Variants in RARB observed in about 807,000 individuals in gnomAD.
The protein encoded by RARB is HBV-activated protein.
Under a neutral mutation model 51.9 loss-of-function variants are expected in RARB, and 17 were observed. That is an observed-to-expected ratio of 0.33 (90% CI 0.22 to 0.49). The LOEUF is 0.49. Among genes scored for constraint, RARB ranks in the 20% least tolerant of loss-of-function variants. RARB has a pLI of 0.99. For missense variants in RARB, 369 were observed against 550.8 expected, an observed-to-expected ratio of 0.67 and a Z score of 3.30; for synonymous variants, 215 against 195.4, an observed-to-expected ratio of 1.10 and a Z score of -0.84.
chr3:25,377,186 C>T (rs980001898), intron 5 of RARB, among the ~76,000 whole-genome samples: 4 of 152,120 alleles, frequency 2.6e-5, no homozygotes, highest in Admixed American at 6.6e-5. Context: ...TCAGACATGC[C>T]GCATGCTGTT....
Position 25,513,138 on chromosome 3 carries a change from G to T in RARB, c.448+11815G>T, listed in dbSNP as rs1045446993. On this transcript the variant is annotated intron_variant, in intron 3 of 7. Coordinates refer to ENST00000330688, the MANE Select transcript of RARB (RefSeq NM_000965.5). ...ACTAAAAAAAAAAAAAAAAAAAAAA[G>T]TAGCCAGATGTGGTGGCATGCACCT... Among the ~76,000 whole-genome samples the T allele has an allele frequency of 9.3e-3, 999 of 107,278 alleles. 9 individuals are homozygous for T. The highest frequency in any genetic ancestry group is 0.039 in the African/African-American group (921 of 23,520). The allele number at this position is 107,278 out of a possible 152,430, so 70.4% of individuals were successfully genotyped here. A position where few individuals can be genotyped will look rare whatever the true frequency, so the allele number is the denominator to read the frequency against.
intron 2 of RARB, among the ~76,000 whole-genome samples, chr3:24,973,992 A>G (rs1010222514): frequency 6.6e-6 from 1 of 152,074 alleles, no homozygotes; most frequent in African/African-American, 2.4e-5. Flanking sequence ...ACTGTGTTGA[A>G]TAAAAGTGGT....
intron 2 of RARB, among the ~76,000 whole-genome samples, chr3:25,023,735 C>A (rs1338987641): frequency 1.3e-5 from 2 of 152,180 alleles, no homozygotes; most frequent in Non-Finnish European, 2.9e-5. Context: ...GTGGAAGTTT[C>A]TTCTGTGAGG....
At chr3:25,109,594 CTGTTT>C (rs1462336482) in intron 3 of RARB, among the ~76,000 whole-genome samples, 1 of 152,216 alleles carries the variant, frequency 6.6e-6, no homozygotes, top group Non-Finnish European at 1.5e-5. Context: ...TTTCTACTCT[CTGTTT>C]TGTCTTGCTG....
At chr3:25,286,440 C>G (rs1271294352) in intron 5 of RARB, among the ~76,000 whole-genome samples, 1 of 152,146 alleles carries the variant, frequency 6.6e-6, no homozygotes, top group Non-Finnish European at 1.5e-5. Context: ...TTCCTTCCCT[C>G]TCTACTATAA....
chr3:25,338,225 A>G (rs1166194507), intron 5 of RARB, among the ~76,000 whole-genome samples: 1 of 152,032 alleles, frequency 6.6e-6, no homozygotes, highest in Non-Finnish European at 1.5e-5. Flanking sequence ...TAATTTCCTA[A>G]TCCATTGCAT....
chr3:25,065,289 T>G (rs13324906), intron 3 of RARB, among the ~76,000 whole-genome samples: 1 of 152,166 alleles, frequency 6.6e-6, no homozygotes, highest in South Asian at 2.1e-4. Flanking sequence ...TATGTCACTT[T>G]AGTGAAACTC....
At chr3:25,202,429 A>G (rs979920830) in intron 5 of RARB, among the ~76,000 whole-genome samples, 10 of 151,600 alleles carry the variant, frequency 6.6e-5, no homozygotes, top group Admixed American at 3.9e-4. Context: ...TTGTGTCTCT[A>G]TCTCCTTCAG....
At chr3:25,195,785 G>T (rs558042346) in intron 5 of RARB, among the ~76,000 whole-genome samples, 1 of 151,984 alleles carries the variant, frequency 6.6e-6, no homozygotes, top group Non-Finnish European at 1.5e-5. Flanking sequence ...AAGCTAATCA[G>T]ATTTTAAAAG....
intron 4 of RARB, 53 bp from the exon 5 acceptor site, chr3:25,580,493 T>A: frequency 1.4e-6 from 2 of 1,449,458 alleles, no homozygotes; most frequent in Non-Finnish European, 1.9e-6. Context: ...ATTTCTCCCC[T>A]CCTATAGAGC....
chr3:25,568,445 G>C (rs1013816233), intron 3 of RARB, among the ~76,000 whole-genome samples: 8 of 152,136 alleles, frequency 5.3e-5, no homozygotes, highest in African/African-American at 1.9e-4. Context: ...CCTCCCTCCT[G>C]GTTAGGTAGG....
At chr3:25,098,120 T>G (rs963092118) in intron 3 of RARB, among the ~76,000 whole-genome samples, 2 of 152,014 alleles carry the variant, frequency 1.3e-5, no homozygotes, top group African/African-American at 4.8e-5. Flanking sequence ...AGGGGAGCAC[T>G]GTACAAGGGG....
chr3:25,387,075 G>T (rs1209262077), intron 5 of RARB, among the ~76,000 whole-genome samples: 1 of 152,192 alleles, frequency 6.6e-6, no homozygotes, highest in East Asian at 1.9e-4. Flanking sequence ...ATGTAGAAAT[G>T]CATCTGTTAG....
intron 2 of RARB, among the ~76,000 whole-genome samples, chr3:24,980,835 A>G (rs1696648549): frequency 6.6e-6 from 1 of 152,004 alleles, no homozygotes; most frequent in African/African-American, 2.4e-5. Flanking sequence ...CCTTTGGAGG[A>G]GAAGAGGCAT....
chr3:25,052,073 T>C (rs1698344130), intron 2 of RARB, among the ~76,000 whole-genome samples: 1 of 152,180 alleles, frequency 6.6e-6, no homozygotes, highest in Non-Finnish European at 1.5e-5. Flanking sequence ...TTGTGAGCAC[T>C]AAGGGAAGAA....
rs141775970 is a variant in RARB at position 25,328,959 on chromosome 3, G to A, written c.179-132234G>A. Among the ~76,000 whole-genome samples, 663 of 152,310 alleles carry A rather than the reference G, an allele frequency of 4.4e-3. 29 individuals carry two copies. In the East Asian group the frequency reaches 0.11, roughly 26 times the overall value. On this transcript the variant is annotated intron_variant, in intron 5 of 11. Transcript: ENST00000383772. Reference sequence around the variant, plus strand: ...GCAGTCTGAGATCGAACTGCAAGGTGGCAGCGAGGCTAGGGGAGGGGCGTC... The same window carrying A: ...GCAGTCTGAGATCGAACTGCAAGGTAGCAGCGAGGCTAGGGGAGGGGCGTC...
At chr3:25,308,307 C>A (rs1050661068) in intron 5 of RARB, among the ~76,000 whole-genome samples, 6 of 152,186 alleles carry the variant, frequency 3.9e-5, no homozygotes, top group African/African-American at 1.4e-4. Context: ...AAGTACAAAT[C>A]TATCTCCTTG....
chr3:25,336,395 C>T (rs566811858), intron 5 of RARB, among the ~76,000 whole-genome samples: 2 of 152,176 alleles, frequency 1.3e-5, no homozygotes, highest in Admixed American at 6.5e-5. Flanking sequence ...ATTTTAGGTG[C>T]TTTTAGAGTT....
chr3:25,278,611 G>A (rs570231545), intron 5 of RARB, among the ~76,000 whole-genome samples: 5 of 152,252 alleles, frequency 3.3e-5, no homozygotes, highest in African/African-American at 9.6e-5. Context: ...TGGATTCTTA[G>A]CTTTGATAGA....
Sources: allele counts gnomAD v4.1 joint callset (sites outside exome capture counted in the v4.1 genomes callset), GRCh38; gene constraint gnomAD v4.1.1; transcripts MANE v1.5; gene names NCBI Gene and HGNC (gene_info 2026-07-23, HGNC 2026-07-21).